Variants in IQGAP2 observed in about 807,000 individuals in gnomAD.
IQGAP2 encodes the protein ras GTPase-activating-like protein IQGAP2.
IQGAP2 carries 173 observed loss-of-function variants against 201.3 expected under a neutral mutation model. The observed-to-expected ratio is 0.86, with a 90% CI of 0.76 to 0.98. The LOEUF (loss-of-function observed/expected upper bound fraction) is 0.98. Among genes scored for constraint, IQGAP2 ranks in the 50% least tolerant of loss-of-function variants. The pLI is 0.00. For synonymous variants in IQGAP2, 675 were observed against 673.9 expected (o/e 1.00, Z -0.03); for missense variants, 1,687 against 1,864.8 (o/e 0.90, Z 1.76).
chr5:76,595,394 A>G (rs1427131790), intron 9 of IQGAP2, among the ~76,000 whole-genome samples: 3 of 151,380 alleles, frequency 2.0e-5, no homozygotes, highest in East Asian at 3.9e-4. Flanking sequence ...CTGCCTGGAC[A>G]TTTCGTTAAA....
chr5:76,703,278 C>T (rs1045132417), intron 35 of IQGAP2, among the ~76,000 whole-genome samples: 22 of 152,104 alleles, frequency 1.4e-4, no homozygotes, highest in Admixed American at 3.3e-4. Flanking sequence ...GCTTCAGCCT[C>T]TCGAGTAACT....
intron 5 of IQGAP2, among the ~76,000 whole-genome samples, chr5:76,585,214 A>G (rs1021747355): frequency 2.0e-5 from 3 of 152,212 alleles, no homozygotes; most frequent in Non-Finnish European, 2.9e-5. Flanking sequence ...ATGTAAAAGT[A>G]TATTAAAACT....
intron 7 of IQGAP2, among the ~76,000 whole-genome samples, chr5:76,589,993 G>T (rs1746533706): frequency 2.0e-5 from 3 of 152,190 alleles, no homozygotes; most frequent in Admixed American, 6.5e-5. Context: ...TTCTGTGTCT[G>T]TAGATTTTAG....
At chr5:76,512,924 G>A (rs370970035) in intron 2 of IQGAP2, among the ~76,000 whole-genome samples, 9 of 152,064 alleles carry the variant, frequency 5.9e-5, no homozygotes, top group African/African-American at 1.2e-4. Flanking sequence ...GCATGATGGC[G>A]CACGCCTGTA....
In IQGAP2 at chr5:76,654,936, T is replaced by C; in HGVS notation, c.2253T>C (p.Asn751=). 12 of 1,607,678 alleles carry C rather than the reference T, an allele frequency of 7.5e-6. No homozygotes were observed. Among genetic ancestry groups the C allele is most frequent in the Non-Finnish European group, 1.0e-5 (12 of 1,174,370 alleles). ...LSRLQYFRDH[N]NEIVKIQSLL... Reference sequence around the variant, plus strand: ...AGACTTGTCTTAATCTTTTGCAGAATAATGAAATTGTGAAAATACAGTCAC... The same window carrying C: ...AGACTTGTCTTAATCTTTTGCAGAACAATGAAATTGTGAAAATACAGTCAC... Residue 751 remains asparagine (N), a splice_region_variant and synonymous_variant, in exon 20 of 36, where the codon AAT becomes AAC. Coordinates refer to ENST00000274364, the MANE Select transcript of IQGAP2 (RefSeq NM_006633.5).
intron 2 of IQGAP2, among the ~76,000 whole-genome samples, chr5:76,539,978 T>A (rs1561448084): frequency 6.6e-6 from 1 of 152,212 alleles, no homozygotes. Flanking sequence ...TGTGTCGGAT[T>A]TGATCAGTAG....
chr5:76,650,893 C>G (rs186149463), intron 17 of IQGAP2, among the ~76,000 whole-genome samples: 238 of 152,280 alleles, frequency 1.6e-3, no homozygotes, highest in African/African-American at 5.4e-3. Context: ...GTATTACAAA[C>G]AATGCTGTGA....
intron 5 of IQGAP2, among the ~76,000 whole-genome samples, chr5:76,581,235 C>T (rs1580510892): frequency 6.6e-6 from 1 of 152,216 alleles, no homozygotes; most frequent in African/African-American, 2.4e-5. Context: ...GCATAACTTT[C>T]CTTGTCTTAA....
In IQGAP2 at chr5:76,693,448, T is replaced by C; in HGVS notation, c.3993+6T>C. On this transcript the variant is annotated splice_donor_region_variant and intron_variant, in intron 31 of 35. Transcript: ENST00000274364. Reference sequence around the variant, plus strand: ...CACCAGCAACTGCGCAACAGGTAATTTGACTTTAAGTGTAAAATAATAATA... The same window carrying C: ...CACCAGCAACTGCGCAACAGGTAATCTGACTTTAAGTGTAAAATAATAATA... 1 of 1,577,102 alleles carries C rather than the reference T, an allele frequency of 6.3e-7. No individual in the cohort carries two copies.
In IQGAP2 at chr5:76,707,076, G is replaced by C. The variant is rs1268009812; in HGVS notation, c.4615-124G>C. The C allele has an allele frequency of 4.7e-6, 3 of 633,792 alleles. No homozygotes were observed. In the African/African-American group the frequency reaches 5.5e-5, roughly 12 times the overall value. The allele number at this position is 633,792 out of a possible 1,614,324, so 39.3% of individuals were successfully genotyped here. A position where few individuals can be genotyped will look rare whatever the true frequency, so the allele number is the denominator to read the frequency against. On this transcript the variant is annotated intron_variant, in intron 35 of 35. Coordinates refer to ENST00000274364, the MANE Select transcript of IQGAP2 (RefSeq NM_006633.5). ...GTTTGAGACCAACCTGGGCAACATAGTTAGACCCCACCCAGGTGATTAGGT... is the reference window on the plus strand; with the variant it reads ...GTTTGAGACCAACCTGGGCAACATACTTAGACCCCACCCAGGTGATTAGGT...
chr5:76,555,932 A>C (rs1056831631), intron 2 of IQGAP2, among the ~76,000 whole-genome samples: 1 of 152,158 alleles, frequency 6.6e-6, no homozygotes, highest in African/African-American at 2.4e-5. Flanking sequence ...GGCACCTTAC[A>C]GATGCTGTGG....
chr5:76,575,748 T>C lies in IQGAP2; in HGVS notation c.437T>C (p.Ile146Thr). The change falls in exon 5 of 36, where the codon ATA (isoleucine) becomes ACA (threonine). Residue 146 changes from isoleucine to threonine, a missense_variant. Physicochemically the swap from Ile to Thr is moderately conservative, Grantham distance 89 (BLOSUM62 -1). Coordinates refer to ENST00000274364, the MANE Select transcript of IQGAP2 (RefSeq NM_006633.5). ...VYDRKNIPRM[I>T]YCIHALSLYL... ...GATCGGAAAAACATACCAAGAATGA[T>C]ATATTGCATTCACGCACTGAGGTAG... 6.3e-7 allele frequency: 1 copy of C among 1,588,426 alleles called. No individual in the cohort carries two copies. Among genetic ancestry groups the C allele is most frequent in the South Asian group, 1.2e-5 (1 of 86,594 alleles).
At chr5:76,539,409 G>A (rs570058073) in intron 2 of IQGAP2, among the ~76,000 whole-genome samples, 1 of 152,178 alleles carries the variant, frequency 6.6e-6, no homozygotes, top group Admixed American at 6.5e-5. Context: ...TGGATGCCAA[G>A]TTCCCCCTAC....
chr5:76,609,047 GC>G (rs780761276), intron 12 of IQGAP2: 55 of 1,500,094 alleles, frequency 3.7e-5, no homozygotes, highest in Non-Finnish European at 4.9e-5. Flanking sequence ...TTCCCAGAGG[GC>G]TTCTGGGTAA....
intron 2 of IQGAP2, among the ~76,000 whole-genome samples, chr5:76,514,678 A>C (rs768416392): frequency 6.6e-5 from 10 of 152,196 alleles, no homozygotes; most frequent in Non-Finnish European, 1.3e-4. Context: ...AGTGACCTCT[A>C]TCATAGTATG....
chr5:76,436,493 A>C, intron 1 of IQGAP2, among the ~76,000 whole-genome samples: 1 of 17,126 alleles, frequency 5.8e-5, no homozygotes, highest in Admixed American at 8.1e-4. Context: ...ATATATATAT[A>C]TATATATATA....
intron 21 of IQGAP2, among the ~76,000 whole-genome samples, chr5:76,660,697 T>C (rs1743171002): frequency 6.6e-6 from 1 of 152,216 alleles, no homozygotes; most frequent in Non-Finnish European, 1.5e-5. Context: ...TTTCAACATA[T>C]TTGCAAACAC....
chr5:76,502,131 G>A (rs748420068), intron 2 of IQGAP2, among the ~76,000 whole-genome samples: 3 of 152,154 alleles, frequency 2.0e-5, no homozygotes, highest in Non-Finnish European at 2.9e-5. Context: ...CTAGAAAGTC[G>A]CCTGCTTATC....
At chr5:76,660,971 T>C (rs1281038907) in intron 21 of IQGAP2, among the ~76,000 whole-genome samples, 2 of 152,192 alleles carry the variant, frequency 1.3e-5, no homozygotes, top group African/African-American at 4.8e-5. Flanking sequence ...GTTTGCGATA[T>C]AGTAGAGGAG....
Sources: allele counts gnomAD v4.1 joint callset (sites outside exome capture counted in the v4.1 genomes callset), GRCh38; gene constraint gnomAD v4.1.1; transcripts MANE v1.5; gene names NCBI Gene and HGNC (gene_info 2026-07-23, HGNC 2026-07-21).